Variants in ANKZF1 observed in about 807,000 individuals in gnomAD.
ANKZF1 encodes the protein ankyrin repeat and zinc finger peptidyl tRNA hydrolase 1.
ANKZF1 carries 84 observed loss-of-function variants against 86.0 expected under a neutral mutation model. That is an observed-to-expected ratio of 0.98 (90% CI 0.82 to 1.17). The LOEUF (loss-of-function observed/expected upper bound fraction) is 1.17, where lower values mean the gene tolerates loss of function less well. ANKZF1 is among the 50% of genes most tolerant of loss of function. The pLI, the probability that ANKZF1 is intolerant of heterozygous loss-of-function variation, is 0.00. For missense variants in ANKZF1, 893 were observed against 918.4 expected (o/e 0.97, Z 0.36); for synonymous variants, 331 against 354.2 (o/e 0.93, Z 0.74).
intron 11 of ANKZF1, 31 bp from the exon 12 acceptor site, chr2:219,235,677 C>CT: frequency 6.2e-7 from 1 of 1,613,034 alleles, no homozygotes; most frequent in Non-Finnish European, 8.5e-7. Context: ...CCAAAGATAA[C>CT]TTATAGGGTC....
Position 219,233,738 on chromosome 2 carries a change from G to A in ANKZF1, c.843G>A (p.Gly281=). 1.9e-6 allele frequency: 3 copies of A among 1,613,630 alleles called. No individual in the cohort carries two copies. Among genetic ancestry groups the A allele is most frequent in the Non-Finnish European group, 2.5e-6 (3 of 1,179,818 alleles). The part of the protein sequence containing the change: ...LYKDVRDLLA[G]PSWAKALEEA... ...AGGATGTTCGTGACCTGCTGGCAGG[G>A]CCAAGCTGGGCTAAGGCGCTGGAGG... The change falls in exon 8 of 14, where the codon GGG becomes GGA. Residue 281 remains glycine, a synonymous_variant. Coordinates refer to ENST00000323348, the MANE Select transcript of ANKZF1 (RefSeq NM_018089.3).
chr2:219,234,191 A>G lies in ANKZF1; in HGVS notation c.1107A>G (p.Val369=). 4 of 1,614,132 alleles carry G rather than the reference A, an allele frequency of 2.5e-6. No homozygotes were observed. In the South Asian group the frequency reaches 3.3e-5, roughly 13 times the overall value. ...CACCTCAGACACACTGGAAAACAGTAAGAGAGGAGAGAAAGAAGCCTACTG... is the reference window on the plus strand; with the variant it reads ...CACCTCAGACACACTGGAAAACAGTGAGAGAGGAGAGAAAGAAGCCTACTG... ...LHSPQTHWKT[V]REERKKPTEE... Residue 369 remains valine (V), a synonymous_variant, in exon 9 of 14, where the codon GTA becomes GTG. Coordinates refer to ENST00000323348, the MANE Select transcript of ANKZF1 (RefSeq NM_018089.3).
chr2:219,230,497 T>A, intron 2 of ANKZF1, 92 bp downstream of exon 2: 2 of 1,435,930 alleles, frequency 1.4e-6, no homozygotes, highest in South Asian at 1.4e-5. Flanking sequence ...TTCCCGAGCT[T>A]AGGAGGCCAA....
chr2:219,235,841 A>G lies in ANKZF1; in HGVS notation c.1937A>G (p.Gln646Arg). 6.2e-7 allele frequency: 1 copy of G among 1,614,100 alleles called. No individual in the cohort carries two copies. The highest frequency in any genetic ancestry group is 2.2e-5 in the East Asian group (1 of 44,898). ...QEQEEREREEQRRFAALSDRE... is the reference protein window; with the variant it reads ...QEQEEREREERRRFAALSDRE... Reference sequence around the variant, plus strand: ...CAGGAGGAGCGTGAACGAGAAGAGCAGCGGCGATTTGCCGCCCTCAGTGAC... The same window carrying G: ...CAGGAGGAGCGTGAACGAGAAGAGCGGCGGCGATTTGCCGCCCTCAGTGAC... Residue 646 changes from glutamine to arginine, a missense_variant, in exon 12 of 14, where the codon CAG becomes CGG. Coordinates refer to ENST00000323348, the MANE Select transcript of ANKZF1 (RefSeq NM_018089.3).
At position 219,233,423 on chromosome 2, in the gene ANKZF1, C is replaced by G. The variant is rs375323924; in HGVS notation, c.809C>G (p.Thr270Arg). Residue 270 changes from threonine (T) to arginine (R), a missense_variant, in exon 7 of 14, where the codon ACA (threonine) becomes AGA (arginine). Physicochemically the swap from Thr to Arg is moderately conservative, Grantham distance 71. Transcript: ENST00000323348. ...AACCTGAGGCGCTACAATGAAGCCA[C>G]ACTATATAAGGTGAGTTAAGCCTTT... ...GANLRRYNEA[T>R]LYKDVRDLLA... 11 of 1,612,146 alleles carry G rather than the reference C, an allele frequency of 6.8e-6. No homozygotes were observed. The Admixed American group carries it at 1.7e-4, about 25-fold the overall frequency.
chr2:219,235,124 T>G lies in ANKZF1; in HGVS notation c.1503T>G (p.Ala501=). Residue 501 remains alanine, a synonymous_variant, in exon 10 of 14, where the codon GCT becomes GCG. Transcript: ENST00000323348. ...QPELWNALLA[A]CRAGDVGVLK... ...AGCTCTGGAATGCACTGCTTGCTGC[T>G]TGCCGAGCTGGAGATGTTGGAGTGC... The G allele has an allele frequency of 6.2e-7, 1 of 1,614,212 alleles. No homozygotes were observed. The highest frequency in any genetic ancestry group is 8.5e-7 in the Non-Finnish European group (1 of 1,180,032).
At chr2:219,234,586 A>T in intron 9 of ANKZF1, 1 of 661,826 alleles carries the variant, frequency 1.5e-6, no homozygotes, top group Non-Finnish European at 2.5e-6. Context: ...GGCTGCTTCC[A>T]TGCTTTCCTC....
At chr2:219,232,732 C>T in intron 5 of ANKZF1, 49 bp downstream of exon 5, 5 of 1,569,256 alleles carry the variant, frequency 3.2e-6, no homozygotes, top group Non-Finnish European at 3.5e-6. Context: ...TTTGTACACC[C>T]AGCCTAGATT....
chr2:219,232,117 G>A, intron 3 of ANKZF1, 77 bp downstream of exon 3: 1 of 1,451,474 alleles, frequency 6.9e-7, no homozygotes, highest in East Asian at 2.3e-5. Flanking sequence ...CATTTGATTT[G>A]TCTTAATAAA....
chr2:219,230,424 T>C lies in ANKZF1; in HGVS notation c.148+19T>C. On this transcript the variant is annotated intron_variant, in intron 2 of 13. Transcript: ENST00000323348. ...TGTTCAGGTATCCTGGAAGGTTTCG[T>C]GTGAAACGTGACAGGGCTCCTTACA... is the stretch of plus-strand genomic sequence containing the variant. 6.3e-7 allele frequency: 1 copy of C among 1,592,250 alleles called. No homozygotes were observed. The highest frequency in any genetic ancestry group is 8.6e-7 in the Non-Finnish European group (1 of 1,164,114).
Position 219,233,917 on chromosome 2 carries a change from A to T in ANKZF1, c.1022A>T (p.His341Leu), listed in dbSNP as rs2106462869. The T allele has an allele frequency of 6.3e-7, 1 of 1,590,582 alleles. No homozygotes were observed. Among genetic ancestry groups the T allele is most frequent in the Non-Finnish European group, 8.6e-7 (1 of 1,169,160 alleles). Residue 341 changes from histidine to leucine, a missense_variant, in exon 8 of 14, where the codon CAT (histidine) becomes CTT (leucine). Transcript: ENST00000323348. The part of the protein sequence containing the change: ...PTFQELQRVL[H>L]KLTTLHVYEE... ...TTCCAAGAGCTACAGCGTGTGCTCC[A>T]TAAGCTGACCACTTTGCATGTCTAT...
chr2:219,232,735 C>T, intron 5 of ANKZF1, 52 bp downstream of exon 5: 1 of 1,556,452 alleles, frequency 6.4e-7, no homozygotes, highest in Non-Finnish European at 8.7e-7. Context: ...GTACACCCAG[C>T]CTAGATTTCC....
intron 2 of ANKZF1, 38 bp downstream of exon 2, chr2:219,230,443 C>G: frequency 6.3e-7 from 1 of 1,576,254 alleles, no homozygotes; most frequent in Middle Eastern, 1.7e-4. Context: ...TGACAGGGCT[C>G]CTTACAGCGT....
At position 219,231,935 on chromosome 2, in the gene ANKZF1, GGA is replaced by G; in HGVS notation, c.163_164del (p.Glu55LysfsTer23). 6.2e-7 allele frequency: 1 copy of G among 1,613,794 alleles called. No individual in the cohort carries two copies. Among genetic ancestry groups the G allele is most frequent in the Non-Finnish European group, 8.5e-7 (1 of 1,179,818 alleles). ...APRTSCSGSG[E>X]RESPERKLLQ... is the part of the protein sequence containing the mutation. ...TCCTCTTCCCTTATTTAGGCTCAGGGGAGAGAGAAAGCCCAGAAAGAAAGCTA... is the reference window on the plus strand; with the variant it reads ...TCCTCTTCCCTTATTTAGGCTCAGGGGAGAGAAAGCCCAGAAAGAAAGCTA... On this transcript the variant is annotated frameshift_variant, in exon 3 of 14. Coordinates refer to ENST00000323348, the MANE Select transcript of ANKZF1 (RefSeq NM_018089.3). LOFTEE classifies it high-confidence loss of function.
In ANKZF1 at chr2:219,233,375, G is replaced by C. The variant is rs770403454; in HGVS notation, c.761G>C (p.Gly254Ala). ...TAQGLRDARGGPSHSAGANLR... is the reference protein window; with the variant it reads ...TAQGLRDARGAPSHSAGANLR... Reference sequence around the variant, plus strand: ...CAGGGGCTTCGGGATGCCCGAGGTGGGCCATCACACTCTGCTGGAGCCAAC... The same window carrying C: ...CAGGGGCTTCGGGATGCCCGAGGTGCGCCATCACACTCTGCTGGAGCCAAC... The change falls in exon 7 of 14, where the codon GGG (glycine) becomes GCG (alanine). Residue 254 changes from glycine to alanine, a missense_variant. Coordinates refer to ENST00000323348, the MANE Select transcript of ANKZF1 (RefSeq NM_018089.3). 6.2e-7 allele frequency: 1 copy of C among 1,614,100 alleles called. No individual in the cohort carries two copies. Among genetic ancestry groups the C allele is most frequent in the South Asian group, 1.1e-5 (1 of 91,084 alleles).
At position 219,235,242 on chromosome 2, in the gene ANKZF1, G is replaced by A; in HGVS notation, c.1621G>A (p.Ala541Thr). Reference sequence around the variant, plus strand: ...CTCCGGTGGCTTTACTCTCCTGCATGCAGCAGCTGCAGCTGGAAGAGGCTC... The same window carrying A: ...CTCCGGTGGCTTTACTCTCCTGCATACAGCAGCTGCAGCTGGAAGAGGCTC... ...LGSGGFTLLH[A>T]AAAAGRGSVV... The change falls in exon 10 of 14, where the codon GCA (alanine) becomes ACA (threonine). Residue 541 changes from alanine to threonine, a missense_variant. Coordinates refer to ENST00000323348, the MANE Select transcript of ANKZF1 (RefSeq NM_018089.3). 1 of 1,613,016 alleles carries A rather than the reference G, an allele frequency of 6.2e-7. No individual in the cohort carries two copies. The highest frequency in any genetic ancestry group is 8.5e-7 in the Non-Finnish European group (1 of 1,180,034).
rs986795948 is a variant in ANKZF1 at position 219,234,947 on chromosome 2, TAAG to T, written c.1330_1332del (p.Lys444del). On this transcript the variant is annotated inframe_deletion, in exon 10 of 14. Coordinates refer to ENST00000323348, the MANE Select transcript of ANKZF1 (RefSeq NM_018089.3). Reference sequence around the variant, plus strand: ...CCAAGCGGAGGAGGAGAAAAAGGAATAAGAAGGAGAAAAGCCGAGACCAGGAGG... The same window carrying T: ...CCAAGCGGAGGAGGAGAAAAAGGAATAAGGAGAAAAGCCGAGACCAGGAGG... 19 of 1,613,976 alleles carry T rather than the reference TAAG, an allele frequency of 1.2e-5. No homozygotes were observed. Among genetic ancestry groups the T allele is most frequent in the African/African-American group, 6.7e-5 (5 of 74,880 alleles).
Position 219,231,995 on chromosome 2 carries a change from A to G in ANKZF1, c.216A>G (p.Leu72=). 1 of 1,613,446 alleles carries G rather than the reference A, an allele frequency of 6.2e-7. No individual in the cohort carries two copies. The highest frequency in any genetic ancestry group is 1.1e-5 in the South Asian group (1 of 90,964). ...GTCCTATGGATATTTCAGAGAAGTT[A>G]TTTTGTTCAACTTGTGACCAGACCT... ...LQGPMDISEK[L]FCSTCDQTFQ... is the part of the protein sequence containing the mutation. The change falls in exon 3 of 14, where the codon TTA becomes TTG. Residue 72 remains leucine, a synonymous_variant. Coordinates refer to ENST00000323348, the MANE Select transcript of ANKZF1 (RefSeq NM_018089.3).
chr2:219,230,293 G>A lies in ANKZF1; in HGVS notation c.36G>A (p.Ala12=). ...SPAPDAAPAP[A]SISLFDLSAD... ...CTCCAGATGCAGCCCCGGCTCCTGC[G>A]TCGATCTCCCTGTTTGACCTCAGCG... The change falls in exon 2 of 14, where the codon GCG becomes GCA. Residue 12 remains alanine (A), a synonymous_variant. Transcript: ENST00000323348. 3 of 1,613,956 alleles carry A rather than the reference G, an allele frequency of 1.9e-6. No individual in the cohort carries two copies. The highest frequency in any genetic ancestry group is 2.2e-5 in the South Asian group (2 of 91,034).
Sources: allele counts gnomAD v4.1 joint callset, GRCh38; gene constraint gnomAD v4.1.1; transcripts MANE v1.5; gene names NCBI Gene and HGNC (gene_info 2026-07-23, HGNC 2026-07-21).